SLC46A3: variants seen among roughly 807,000 people sequenced by gnomAD.
The protein encoded by SLC46A3 is solute carrier family 46 member 3.
In SLC46A3, 26 loss-of-function variants were observed where a neutral mutation model predicts 38.5. That is an observed-to-expected ratio of 0.68 (90% CI 0.49 to 0.94). SLC46A3 has a LOEUF of 0.94. SLC46A3 is among the 40% of genes least tolerant of loss of function. The pLI, the probability that SLC46A3 is intolerant of heterozygous loss-of-function variation, is 0.00. For missense variants in SLC46A3, 510 were observed against 544.3 expected, an observed-to-expected ratio of 0.94 and a Z score of 0.63; for synonymous variants, 185 against 192.5, an observed-to-expected ratio of 0.96 and a Z score of 0.32.
At chr13:28,709,353 A>C (rs1278384096) in intron 4 of SLC46A3, among the ~76,000 whole-genome samples, 1 of 152,138 alleles carries the variant, frequency 6.6e-6, no homozygotes, top group Non-Finnish European at 1.5e-5. Flanking sequence ...AAAGTAAAAG[A>C]AGAAATATAT....
At chr13:28,714,503 C>G (rs1450629751) in intron 2 of SLC46A3, among the ~76,000 whole-genome samples, 6 of 151,736 alleles carry the variant, frequency 4.0e-5, no homozygotes, top group Admixed American at 3.9e-4. Context: ...AATCCTAGCA[C>G]TTTGGGGGGC....
chr13:28,703,777 A>G, intron 5 of SLC46A3, 166 bp downstream of exon 5: 1 of 466,532 alleles, frequency 2.1e-6, no homozygotes, highest in Non-Finnish European at 3.7e-6. Context: ...GTGTCATTCC[A>G]ATTTTGTATA....
intron 3 of SLC46A3, among the ~76,000 whole-genome samples, chr13:28,711,505 C>T (rs562876096): frequency 6.6e-6 from 1 of 151,294 alleles, no homozygotes; most frequent in African/African-American, 2.4e-5. Flanking sequence ...CAAATTGAGA[C>T]TGCTAATTCA....
intron 4 of SLC46A3, among the ~76,000 whole-genome samples, chr13:28,705,067 T>A (rs1419749454): frequency 6.6e-6 from 1 of 152,238 alleles, no homozygotes; most frequent in Non-Finnish European, 1.5e-5. Context: ...GTGCTTTTCT[T>A]CCTCTTTGTC....
At chr13:28,709,385 A>C (rs1885276477) in intron 4 of SLC46A3, among the ~76,000 whole-genome samples, 1 of 152,164 alleles carries the variant, frequency 6.6e-6, no homozygotes, top group South Asian at 2.1e-4. Flanking sequence ...TGAATTATGT[A>C]GCCTTCTCCA....
chr13:28,701,969 T>TA (rs35324465), intron 5 of SLC46A3, among the ~76,000 whole-genome samples: 22 of 151,122 alleles, frequency 1.5e-4, no homozygotes, highest in Admixed American at 1.3e-4. Flanking sequence ...AGTGTAAGGT[T>TA]AAAAAAAAAG....
Position 28,713,290 on chromosome 13 carries a change from A to C in SLC46A3, c.450T>G (p.Ala150=). 1 of 1,614,038 alleles carries C rather than the reference A, an allele frequency of 6.2e-7. No homozygotes were observed. ...ACTGATCAACTATATAGGCAAAGCAAGCTCCCCAAAATGTGGTATAATTGC... is the reference window on the plus strand; with the variant it reads ...ACTGATCAACTATATAGGCAAAGCACGCTCCCCAAAATGTGGTATAATTGC... ...FCGNYTTFWG[A]CFAYIVDQCK... is the part of the protein sequence containing the mutation. The change falls in exon 3 of 6, where the codon GCT becomes GCG. Residue 150 remains alanine (A), a synonymous_variant. Transcript: ENST00000266943.
intron 4 of SLC46A3, among the ~76,000 whole-genome samples, chr13:28,709,328 A>G (rs1370117187): frequency 2.6e-5 from 4 of 152,118 alleles, no homozygotes; most frequent in African/African-American, 9.7e-5. Flanking sequence ...GTCTCAAAAA[A>G]AAAAAAAAAG....
Position 28,713,353 on chromosome 13 carries a change from C to T in SLC46A3, c.387G>A (p.Gln129=), listed in dbSNP as rs1885427200. ...CLLCYFAFPF[Q]LLIASTFIGA... ...CAATGAAGGTAGATGCAATCAAAAG[C>T]TGGAATGGAAAGGCAAAATAGCAAA... is the stretch of plus-strand genomic sequence containing the variant. The change falls in exon 3 of 6, where the codon CAG becomes CAA. Residue 129 remains glutamine (Q), a synonymous_variant. Coordinates refer to ENST00000266943, the MANE Select transcript of SLC46A3 (RefSeq NM_181785.4). 1.2e-6 allele frequency: 2 copies of T among 1,614,002 alleles called. No individual in the cohort carries two copies. Among genetic ancestry groups the T allele is most frequent in the East Asian group, 4.5e-5 (2 of 44,886 alleles).
Position 28,701,329 on chromosome 13 carries a change from C to A in SLC46A3, c.*168G>T, listed in dbSNP as rs185535327. ...AAAGTGCTCAAAGTGCGTGGTACCA[C>A]AAGAAGCTAAAGCCAGGAGCTGTCT... is the stretch of plus-strand genomic sequence containing the variant. On this transcript the variant is annotated 3_prime_UTR_variant, in exon 6 of 6. Transcript: ENST00000266943. 1.8e-5 allele frequency: 26 copies of A among 1,429,100 alleles called. No individual in the cohort carries two copies. The highest frequency in any genetic ancestry group is 6.2e-5 in the Admixed American group (2 of 32,362). The allele number at this position is 1,429,100 out of a possible 1,614,324, so 88.5% of individuals were successfully genotyped here.
intron 1 of SLC46A3, 52 bp from the exon 2 acceptor site, chr13:28,718,074 A>T (rs1351780524): frequency 6.9e-7 from 1 of 1,455,406 alleles, no homozygotes; most frequent in East Asian, 2.3e-5. Flanking sequence ...CAGAGGCTAG[A>T]TATTCAAAGA....
intron 2 of SLC46A3, among the ~76,000 whole-genome samples, chr13:28,714,762 TAAA>T (rs1261519842): frequency 1.3e-5 from 2 of 151,980 alleles, no homozygotes; most frequent in African/African-American, 4.8e-5. Context: ...TAAATAAAAA[TAAA>T]AAGTAAATAA....
At chr13:28,717,500 T>TTTTTTTTTTTTTTTTTC (rs1885563138) in intron 2 of SLC46A3, among the ~76,000 whole-genome samples, 1 of 147,546 alleles carries the variant, frequency 6.8e-6, no homozygotes, top group African/African-American at 2.5e-5. Flanking sequence ...TTTTTTTTTT[T>TTTTTTTTTTTTTTTTTC]TTTTTTTTTT....
In SLC46A3 at chr13:28,713,214, G is replaced by C. The variant is rs1020167098; in HGVS notation, c.526C>G (p.Leu176Val). 2 of 1,613,950 alleles carry C rather than the reference G, an allele frequency of 1.2e-6. No homozygotes were observed. Among genetic ancestry groups the C allele is most frequent in the Admixed American group, 3.3e-5 (2 of 60,002 alleles). The part of the protein sequence containing the change: ...TIRIAIIDFL[L>V]GLVTGLTGLS... ...CCTGTTAGTCCAGTAACAAGTCCAAGTAGAAAGTCAATGATAGCTATTCGA... is the reference window on the plus strand; with the variant it reads ...CCTGTTAGTCCAGTAACAAGTCCAACTAGAAAGTCAATGATAGCTATTCGA... The change falls in exon 3 of 6, where the codon CTT (leucine) becomes GTT (valine). Residue 176 changes from leucine to valine, a missense_variant. Transcript: ENST00000266943.
At chr13:28,715,074 C>G (rs911694376) in intron 2 of SLC46A3, among the ~76,000 whole-genome samples, 6 of 152,102 alleles carry the variant, frequency 3.9e-5, no homozygotes, top group Non-Finnish European at 2.9e-5. Context: ...GATGGTGGTG[C>G]CTCCTGGGAA....
chr13:28,711,550 T>C (rs531699055), intron 3 of SLC46A3, among the ~76,000 whole-genome samples: 2 of 152,342 alleles, frequency 1.3e-5, no homozygotes, highest in Admixed American at 6.5e-5. Flanking sequence ...TTGGCACTCT[T>C]AGTGTTAGCA....
chr13:28,705,668 A>C (rs937209316), intron 4 of SLC46A3, among the ~76,000 whole-genome samples: 25 of 152,328 alleles, frequency 1.6e-4, no homozygotes, highest in Admixed American at 1.0e-3. Flanking sequence ...TATTTGTCAA[A>C]TGAATGAATC....
At chr13:28,712,334 G>T (rs7983492) in intron 3 of SLC46A3, among the ~76,000 whole-genome samples, 19 of 151,708 alleles carry the variant, frequency 1.3e-4, no homozygotes, top group African/African-American at 4.4e-4. Context: ...TTATATCATT[G>T]TCCTAAATAT....
intron 3 of SLC46A3, among the ~76,000 whole-genome samples, chr13:28,712,422 A>G (rs561088774): frequency 6.6e-6 from 1 of 152,230 alleles, no homozygotes; most frequent in Non-Finnish European, 1.5e-5. Flanking sequence ...GAACTGATTC[A>G]TAAGAAGAAT....
Sources: gnomAD v4.1 joint callset for allele counts (sites outside exome capture counted in the v4.1 genomes callset) on GRCh38, gnomAD v4.1.1 for gene constraint, MANE v1.5 for transcripts, NCBI Gene and HGNC (gene_info 2026-07-23, HGNC 2026-07-21) for gene names.